The following GADL1 variants were observed in gnomAD, a reference collection of about 807,000 sequenced individuals.
GADL1 encodes GAD like acidic amino acid decarboxylase 1.
A neutral mutation model predicts 69.5 loss-of-function variants in GADL1; 71 were observed. The ratio of observed to expected loss-of-function variants is 1.02; its 90% CI spans 0.84 to 1.25. GADL1 has a LOEUF of 1.25. Among genes scored for constraint, GADL1 ranks in the 50% most tolerant of loss-of-function variants. The probability of loss-of-function intolerance (pLI) is 0.00; values close to 1 mark genes in which losing one functional copy is unlikely to be tolerated. For missense variants in GADL1, 737 were observed against 631.8 expected (o/e 1.17, Z -1.79); for synonymous variants, 254 against 214.4 (o/e 1.18, Z -1.62).
At chr3:30,737,477 A>T (rs1177081226) in intron 14 of GADL1, among the ~76,000 whole-genome samples, 1 of 152,108 alleles carries the variant, frequency 6.6e-6, no homozygotes, top group Non-Finnish European at 1.5e-5. Context: ...CTTAGTTTTG[A>T]TTGCTCAAAG....
chr3:30,863,582 C>T (rs1698353682), intron 1 of GADL1, among the ~76,000 whole-genome samples: 1 of 151,944 alleles, frequency 6.6e-6, no homozygotes, highest in African/African-American at 2.4e-5. Flanking sequence ...GTATGTTTCT[C>T]CACCTTATAA....
chr3:30,762,391 G>GA (rs1424130337), intron 14 of GADL1, among the ~76,000 whole-genome samples: 5 of 152,114 alleles, frequency 3.3e-5, no homozygotes, highest in African/African-American at 9.7e-5. Flanking sequence ...TGTCAAGCAT[G>GA]AAAAAATACA....
In GADL1 at chr3:30,833,871, G is replaced by A. The variant is rs551501509; in HGVS notation, c.1032C>T (p.Leu344=). 6.2e-7 allele frequency: 1 copy of A among 1,612,376 alleles called. No individual in the cohort carries two copies. The highest frequency in any genetic ancestry group is 2.2e-5 in the East Asian group (1 of 44,790). ...AACTTACAGATTTGTCTTTCACAAG[G>A]AGAGCACAGCACTGGATCCCAGCCA... ...MLMAGIQCCA[L]LVKDKSDLLK... Residue 344 remains leucine (L), a synonymous_variant, in exon 11 of 15, where the codon CTC becomes CTT. Coordinates refer to ENST00000282538, the MANE Select transcript of GADL1 (RefSeq NM_207359.3).
At chr3:30,755,319 C>T (rs917554401) in intron 14 of GADL1, among the ~76,000 whole-genome samples, 3 of 151,810 alleles carry the variant, frequency 2.0e-5, no homozygotes, top group Non-Finnish European at 4.4e-5. Context: ...TATTAAATAG[C>T]AACAATAAAT....
chr3:30,735,145 G>A (rs1695524403), intron 14 of GADL1, among the ~76,000 whole-genome samples: 1 of 152,132 alleles, frequency 6.6e-6, no homozygotes. Context: ...AAAGCTACTT[G>A]ATCCATGCAG....
Position 30,850,021 on chromosome 3 carries a change from CT to C in GADL1, c.625del (p.Arg209AspfsTer2). Reference sequence around the variant, plus strand: ...CTCTGCAGATGTGAAAAGGATTAATCTTGGCGAACCAGACAGCCCCTTTTCC... The same window carrying C: ...CTCTGCAGATGTGAAAAGGATTAATCTGGCGAACCAGACAGCCCCTTTTCC... ...IKEKGLSGSP[R>X]LILFTSAECH... On this transcript the variant is annotated frameshift_variant, in exon 6 of 15. Transcript: ENST00000282538. LOFTEE classifies it high-confidence loss of function. The C allele has an allele frequency of 6.2e-7, 1 of 1,605,096 alleles. No individual in the cohort carries two copies. Among genetic ancestry groups the C allele is most frequent in the Non-Finnish European group, 8.5e-7 (1 of 1,172,148 alleles).
chr3:30,894,382 A>G (rs1481009463), intron 1 of GADL1, among the ~76,000 whole-genome samples, 196 bp downstream of exon 1: 1 of 152,246 alleles, frequency 6.6e-6, no homozygotes, highest in Non-Finnish European at 1.5e-5. Context: ...ATAAAAGTTA[A>G]CTCATTTGAT....
chr3:30,763,327 T>C (rs28727887), intron 14 of GADL1, among the ~76,000 whole-genome samples: 67,213 of 151,462 alleles, frequency 0.44, 14,959 homozygotes, highest in African/African-American at 0.47. Context: ...TGAAACCCCC[T>C]GTCGCTACTA....
chr3:30,844,970 C>T (rs748354309), intron 6 of GADL1, among the ~76,000 whole-genome samples: 2 of 152,100 alleles, frequency 1.3e-5, no homozygotes, highest in Non-Finnish European at 2.9e-5. Context: ...TTGAAACCCT[C>T]TAAGGAGAGG....
chr3:30,764,052 C>T (rs372045353), intron 14 of GADL1, among the ~76,000 whole-genome samples: 35 of 151,974 alleles, frequency 2.3e-4, no homozygotes, highest in South Asian at 4.2e-4. Flanking sequence ...TAAAATACTC[C>T]GTAATTTGGT....
At chr3:30,766,772 G>C (rs934799446) in intron 14 of GADL1, among the ~76,000 whole-genome samples, 3 of 131,268 alleles carry the variant, frequency 2.3e-5, no homozygotes, top group Non-Finnish European at 3.6e-5. Flanking sequence ...AGGATTAGCA[G>C]AGGACAAGGT....
chr3:30,880,418 C>T (rs1345882789), intron 1 of GADL1, among the ~76,000 whole-genome samples: 2 of 151,648 alleles, frequency 1.3e-5, no homozygotes, highest in Non-Finnish European at 2.9e-5. Flanking sequence ...GTGGGTTTTT[C>T]CCATGCTGTT....
chr3:30,873,737 C>T (rs957807650), intron 1 of GADL1, among the ~76,000 whole-genome samples: 2 of 151,882 alleles, frequency 1.3e-5, no homozygotes, highest in African/African-American at 4.8e-5. Context: ...ATGGGTGCCT[C>T]ATTTGCATCA....
At chr3:30,815,981 T>A (rs1024204154) in intron 11 of GADL1, among the ~76,000 whole-genome samples, 1 of 152,144 alleles carries the variant, frequency 6.6e-6, no homozygotes, top group African/African-American at 2.4e-5. Flanking sequence ...TCCTCGTCTG[T>A]ACAGTGGGAA....
intron 11 of GADL1, among the ~76,000 whole-genome samples, chr3:30,822,107 C>T (rs1697590655): frequency 6.6e-6 from 1 of 152,060 alleles, no homozygotes; most frequent in African/African-American, 2.4e-5. Context: ...TGGAAACTTT[C>T]TCTATAGATG....
chr3:30,888,327 G>A (rs545605567), intron 1 of GADL1, among the ~76,000 whole-genome samples: 24 of 152,044 alleles, frequency 1.6e-4, no homozygotes, highest in East Asian at 9.6e-4. Context: ...TGGTGGTTAC[G>A]AGTGTACAAA....
intron 11 of GADL1, among the ~76,000 whole-genome samples, chr3:30,826,784 C>G (rs139473594): frequency 6.6e-5 from 10 of 151,788 alleles, no homozygotes; most frequent in Non-Finnish European, 1.3e-4. Flanking sequence ...TCATTAGATA[C>G]TAAAACAAAA....
intron 12 of GADL1, 79 bp downstream of exon 12, chr3:30,800,806 GACAC>G (rs35529398): frequency 0.12 from 84,839 of 717,274 alleles, 1,529 homozygotes; most frequent in East Asian, 0.25. Flanking sequence ...GACACAGATA[GACAC>G]ACACACACAC....
At chr3:30,758,103 G>GC (rs1343271913) in intron 14 of GADL1, among the ~76,000 whole-genome samples, 1 of 152,118 alleles carries the variant, frequency 6.6e-6, no homozygotes, top group Admixed American at 6.6e-5. Context: ...TTCCTGCACA[G>GC]CCAAGAGCAA....
Sources: allele counts gnomAD v4.1 joint callset (sites outside exome capture counted in the v4.1 genomes callset), GRCh38; gene constraint gnomAD v4.1.1; transcripts MANE v1.5; gene names NCBI Gene and HGNC (gene_info 2026-07-23, HGNC 2026-07-21).